WDPCP: variants seen among roughly 807,000 people sequenced by gnomAD.
The protein encoded by WDPCP is WD repeat-containing and planar cell polarity effector protein fritz homolog.
A neutral mutation model predicts 93.1 loss-of-function variants in WDPCP; 71 were observed. That is an observed-to-expected ratio of 0.76 (90% CI 0.63 to 0.93). The LOEUF (loss-of-function observed/expected upper bound fraction) is 0.93. Ranked by LOEUF, WDPCP falls within the 40% of genes least tolerant of loss-of-function variation. The pLI, the probability that WDPCP is intolerant of heterozygous loss-of-function variation, is 0.00. For missense variants in WDPCP, 844 were observed against 887.4 expected (o/e 0.95, Z 0.62); for synonymous variants, 315 against 315.0 (o/e 1.00, Z 0.00).
intron 14 of WDPCP, among the ~76,000 whole-genome samples, chr2:63,187,377 G>A (rs1050877113): frequency 6.6e-6 from 1 of 152,018 alleles, no homozygotes; most frequent in Non-Finnish European, 1.5e-5. Flanking sequence ...TTACCGATAT[G>A]GAAGGATTTT....
chr2:63,326,712 AAGTC>A (rs1198785744), intron 12 of WDPCP, among the ~76,000 whole-genome samples: 10 of 151,694 alleles, frequency 6.6e-5, no homozygotes, highest in South Asian at 2.1e-4. Flanking sequence ...GACAGACAGA[AAGTC>A]AGAGAGAGAG....
At chr2:63,164,929 CT>C (rs1447647897) in intron 15 of WDPCP, among the ~76,000 whole-genome samples, 4 of 151,834 alleles carry the variant, frequency 2.6e-5, no homozygotes, top group African/African-American at 9.7e-5. Flanking sequence ...ATTAAAATAC[CT>C]ACTTAACACA....
intron 1 of WDPCP, among the ~76,000 whole-genome samples, chr2:63,519,849 T>C (rs138035829): frequency 2.6e-5 from 4 of 152,318 alleles, no homozygotes; most frequent in East Asian, 1.9e-4. Flanking sequence ...CAAATCATCA[T>C]ACTAGTTCCC....
chr2:63,231,686 C>T (rs1260144595), intron 14 of WDPCP, among the ~76,000 whole-genome samples: 3 of 152,124 alleles, frequency 2.0e-5, no homozygotes, highest in South Asian at 2.1e-4. Context: ...AAAGAGGACA[C>T]AAACAAATGG....
At chr2:63,623,063 C>G (rs928324278) in intron 3 of WDPCP, among the ~76,000 whole-genome samples, 2 of 152,218 alleles carry the variant, frequency 1.3e-5, no homozygotes, top group African/African-American at 4.8e-5. Flanking sequence ...ATTTTCAGCC[C>G]AGAATCTCAT....
intron 1 of WDPCP, among the ~76,000 whole-genome samples, chr2:63,821,420 G>C (rs1671015520): frequency 6.6e-6 from 1 of 152,206 alleles, no homozygotes; most frequent in Non-Finnish European, 1.5e-5. Flanking sequence ...ATCACTGCGT[G>C]GCTACAGCTC....
At chr2:63,415,184 A>G (rs1695325028) in intron 9 of WDPCP, among the ~76,000 whole-genome samples, 1 of 152,180 alleles carries the variant, frequency 6.6e-6, no homozygotes, top group South Asian at 2.1e-4. Flanking sequence ...CAACTTAGCA[A>G]GACCTCGTCT....
At chr2:63,650,456 G>A (rs1260621619) in intron 3 of WDPCP, among the ~76,000 whole-genome samples, 6 of 152,130 alleles carry the variant, frequency 3.9e-5, no homozygotes, top group South Asian at 2.1e-4. Context: ...GACTTGCCCC[G>A]CCCAGTGACT....
chr2:63,685,334 C>T (rs1668790497), intron 2 of WDPCP, among the ~76,000 whole-genome samples: 1 of 152,128 alleles, frequency 6.6e-6, no homozygotes, highest in Non-Finnish European at 1.5e-5. Context: ...CAACTTTTGT[C>T]ACTAGATTAG....
chr2:63,226,651 T>C (rs994573825), intron 14 of WDPCP, among the ~76,000 whole-genome samples: 2 of 152,036 alleles, frequency 1.3e-5, no homozygotes, highest in African/African-American at 4.8e-5. Context: ...TTACACACTT[T>C]ACAAAATAAT....
chr2:63,515,966 G>C (rs1702525248), intron 1 of WDPCP, among the ~76,000 whole-genome samples: 1 of 150,510 alleles, frequency 6.6e-6, no homozygotes, highest in South Asian at 2.1e-4. Flanking sequence ...GTTGCAGTGA[G>C]CCAAGATCAC....
intron 14 of WDPCP, among the ~76,000 whole-genome samples, chr2:63,217,076 T>C (rs1402196770): frequency 1.3e-5 from 2 of 152,228 alleles, no homozygotes; most frequent in Non-Finnish European, 2.9e-5. Flanking sequence ...CAAAACAATC[T>C]GTTAGAACAG....
chr2:63,409,273 G>C (rs1242565819), intron 9 of WDPCP, among the ~76,000 whole-genome samples: 1 of 152,130 alleles, frequency 6.6e-6, no homozygotes, highest in Admixed American at 6.5e-5. Flanking sequence ...TAGACTTCCT[G>C]GGTGGCTAGA....
Position 63,325,291 on chromosome 2 carries a change from A to G in WDPCP, c.1749-11980T>C, listed in dbSNP as rs760530109. Reference sequence around the variant, plus strand: ...AGGACACTTTAAAAAAGATTGCCCAATGAGAAACAAGCCACCCCCTCGTCC... The same window carrying G: ...AGGACACTTTAAAAAAGATTGCCCAGTGAGAAACAAGCCACCCCCTCGTCC... On this transcript the variant is annotated intron_variant, in intron 12 of 17. Transcript: ENST00000272321. Among the ~76,000 whole-genome samples, 33 of 152,284 alleles carry G rather than the reference A, an allele frequency of 2.2e-4. 1 individual carries two copies. The highest frequency in any genetic ancestry group is 1.3e-3 in the Admixed American group (20 of 15,296).
At chr2:63,152,417 G>A (rs943248167) in intron 17 of WDPCP, among the ~76,000 whole-genome samples, 1 of 152,048 alleles carries the variant, frequency 6.6e-6, no homozygotes, top group African/African-American at 2.4e-5. Flanking sequence ...TGGGATTACA[G>A]GTGCAGCCGC....
At chr2:63,341,988 C>T (rs1045228083) in intron 12 of WDPCP, among the ~76,000 whole-genome samples, 2 of 152,076 alleles carry the variant, frequency 1.3e-5, no homozygotes, top group Admixed American at 6.6e-5. Flanking sequence ...ATCCAGTGGT[C>T]CCCAACTTTT....
intron 2 of WDPCP, among the ~76,000 whole-genome samples, chr2:63,719,691 C>CT (rs1469004528): frequency 6.6e-6 from 1 of 151,794 alleles, no homozygotes; most frequent in Admixed American, 6.6e-5. Flanking sequence ...CCCATACATT[C>CT]TTTTTGAGCG....
At chr2:63,320,703 A>C (rs1687015440) in intron 12 of WDPCP, among the ~76,000 whole-genome samples, 2 of 152,254 alleles carry the variant, frequency 1.3e-5, no homozygotes, top group South Asian at 4.1e-4. Context: ...TATGACTGAA[A>C]AAGCAAATAA....
At chr2:63,516,501 C>T (rs1290198211) in intron 1 of WDPCP, among the ~76,000 whole-genome samples, 2 of 152,192 alleles carry the variant, frequency 1.3e-5, no homozygotes, top group Non-Finnish European at 2.9e-5. Flanking sequence ...CCTGTCTCCT[C>T]TGACCAGAGT....
Sources: gnomAD v4.1 joint callset for allele counts (sites outside exome capture counted in the v4.1 genomes callset) on GRCh38, gnomAD v4.1.1 for gene constraint, MANE v1.5 for transcripts, NCBI Gene and HGNC (gene_info 2026-07-23, HGNC 2026-07-21) for gene names.